The following XYLT1 variants were observed in gnomAD, a reference collection of about 807,000 sequenced individuals.
XYLT1 encodes beta-D-xylosyltransferase 1.
XYLT1 carries 36 observed loss-of-function variants against 91.3 expected under a neutral mutation model. The observed-to-expected ratio is 0.39, with a 90% CI of 0.30 to 0.52. XYLT1 has a LOEUF of 0.52. XYLT1 is among the 20% of genes least tolerant of loss of function. The probability of loss-of-function intolerance (pLI) is 0.68; values close to 1 mark genes in which losing one functional copy is unlikely to be tolerated. For synonymous variants in XYLT1, 588 were observed against 532.0 expected (o/e 1.11, Z -1.45); for missense variants, 1,242 against 1,284.5 (o/e 0.97, Z 0.51).
At chr16:17,143,270 CCATCAT>C (rs1307037251) in intron 6 of XYLT1, among the ~76,000 whole-genome samples, 3 of 152,084 alleles carry the variant, frequency 2.0e-5, no homozygotes, top group Non-Finnish European at 4.4e-5. Context: ...GTCACTGCCA[CCATCAT>C]CATCATCTCC....
intron 2 of XYLT1, among the ~76,000 whole-genome samples, chr16:17,316,237 T>C (rs992526201): frequency 4.6e-5 from 7 of 152,130 alleles, no homozygotes; most frequent in Non-Finnish European, 7.3e-5. Flanking sequence ...TATTTACACA[T>C]GTCATCGGAG....
At chr16:17,441,389 TA>T (rs1026455675) in intron 1 of XYLT1, among the ~76,000 whole-genome samples, 5 of 151,836 alleles carry the variant, frequency 3.3e-5, no homozygotes, top group Non-Finnish European at 5.9e-5. Flanking sequence ...AATATTGCAC[TA>T]AAAAAAAGGA....
chr16:17,139,445 A>G (rs12448468), intron 7 of XYLT1, among the ~76,000 whole-genome samples: 35,167 of 152,070 alleles, frequency 0.23, 4,860 homozygotes, highest in East Asian at 0.6. Context: ...GGAGGGGCAG[A>G]GAAAGCACAC....
chr16:17,366,793 A>C (rs905376645), intron 1 of XYLT1, among the ~76,000 whole-genome samples: 2 of 152,154 alleles, frequency 1.3e-5, no homozygotes, highest in Non-Finnish European at 2.9e-5. Flanking sequence ...GGCTCAAAGG[A>C]GAAGTAATTT....
At chr16:17,293,898 T>C (rs1258275079) in intron 2 of XYLT1, among the ~76,000 whole-genome samples, 1 of 152,154 alleles carries the variant, frequency 6.6e-6, no homozygotes, top group Middle Eastern at 3.4e-3. Flanking sequence ...GGGAAATGCA[T>C]CTAAACAATG....
At chr16:17,199,504 T>C (rs1055919122) in intron 4 of XYLT1, among the ~76,000 whole-genome samples, 1 of 152,206 alleles carries the variant, frequency 6.6e-6, no homozygotes, top group Non-Finnish European at 1.5e-5. Context: ...GATAGTGATA[T>C]GGTTTGGTTG....
intron 2 of XYLT1, among the ~76,000 whole-genome samples, chr16:17,268,387 T>G (rs892495455): frequency 6.6e-5 from 10 of 152,358 alleles, no homozygotes; most frequent in African/African-American, 2.2e-4. Flanking sequence ...GTTTAAATAT[T>G]ACTATATAGG....
chr16:17,432,898 G>A (rs1206596501), intron 1 of XYLT1, among the ~76,000 whole-genome samples: 2 of 152,108 alleles, frequency 1.3e-5, no homozygotes, highest in Non-Finnish European at 2.9e-5. Context: ...AAACACGCAA[G>A]GGCCACGTAT....
chr16:17,467,943 G>A (rs1427244121), intron 1 of XYLT1, among the ~76,000 whole-genome samples: 4 of 152,046 alleles, frequency 2.6e-5, no homozygotes, highest in African/African-American at 9.7e-5. Context: ...GGAAAATCAC[G>A]GGGATTTGTT....
At chr16:17,217,233 G>C (rs947683185) in intron 3 of XYLT1, among the ~76,000 whole-genome samples, 1 of 152,164 alleles carries the variant, frequency 6.6e-6, no homozygotes, top group Non-Finnish European at 1.5e-5. Flanking sequence ...CAGTTCCTGG[G>C]AGAAAACCAA....
At chr16:17,253,332 A>T (rs746524077) in intron 3 of XYLT1, among the ~76,000 whole-genome samples, 4 of 152,132 alleles carry the variant, frequency 2.6e-5, no homozygotes, top group Non-Finnish European at 5.9e-5. Flanking sequence ...TTTAAATGCC[A>T]ATCTTATTAA....
At chr16:17,119,981 C>CT (rs2029989364) in intron 10 of XYLT1, among the ~76,000 whole-genome samples, 1 of 152,170 alleles carries the variant, frequency 6.6e-6, no homozygotes, top group African/African-American at 2.4e-5. Context: ...AGGCCAGAGA[C>CT]TAAAGATTAG....
chr16:17,330,872 C>T (rs948324896), intron 2 of XYLT1, among the ~76,000 whole-genome samples: 4 of 152,178 alleles, frequency 2.6e-5, no homozygotes, highest in Non-Finnish European at 4.4e-5. Flanking sequence ...ATCCTCAATG[C>T]GCATATCAGG....
At position 17,107,805 on chromosome 16, in the gene XYLT1, C is replaced by T. The variant is rs7193152; in HGVS notation, c.*890G>A. 11,113 of 152,696 alleles carry T rather than the reference C, an allele frequency of 0.073. 1,375 individuals carry two copies. The highest frequency in any genetic ancestry group is 0.26 in the African/African-American group (10,578 of 41,476). The allele number at this position is 152,696 out of a possible 1,614,324, so 9.5% of individuals were successfully genotyped here. ...TGTCAAAGTTCCCATTTTCAAGGAT[C>T]AAAGAAGGTCATGGTCTTGAGTCTG... On this transcript the variant is annotated 3_prime_UTR_variant, in exon 12 of 12. Transcript: ENST00000261381.
intron 1 of XYLT1, among the ~76,000 whole-genome samples, chr16:17,385,279 C>T (rs1019190657): frequency 0.019 from 2,843 of 146,992 alleles, 85 homozygotes; most frequent in African/African-American, 0.07. Flanking sequence ...TACACACACA[C>T]ACACACACAC....
At chr16:17,337,777 T>TTC (rs2035005103) in intron 2 of XYLT1, among the ~76,000 whole-genome samples, 2 of 134,936 alleles carry the variant, frequency 1.5e-5, no homozygotes, top group Non-Finnish European at 3.1e-5. Context: ...CATTTTTTCT[T>TTC]TTTCTTTTTT....
chr16:17,154,328 A>G (rs1169272728), intron 6 of XYLT1, among the ~76,000 whole-genome samples: 1 of 152,200 alleles, frequency 6.6e-6, no homozygotes, highest in Non-Finnish European at 1.5e-5. Context: ...CCCAGGGCTA[A>G]CATGGGGGCC....
chr16:17,161,764 T>C (rs765350893), intron 5 of XYLT1, among the ~76,000 whole-genome samples: 6 of 151,906 alleles, frequency 3.9e-5, no homozygotes, highest in Non-Finnish European at 8.8e-5. Flanking sequence ...GTTCCCATAG[T>C]TCATCTCTTG....
intron 5 of XYLT1, among the ~76,000 whole-genome samples, chr16:17,196,082 C>A (rs564954953): frequency 6.6e-6 from 1 of 152,182 alleles, no homozygotes; most frequent in African/African-American, 2.4e-5. Flanking sequence ...TCAGGTGTAC[C>A]CCATTCAAAC....
Sources: gnomAD v4.1 joint callset for allele counts (sites outside exome capture counted in the v4.1 genomes callset) on GRCh38, gnomAD v4.1.1 for gene constraint, MANE v1.5 for transcripts, NCBI Gene and HGNC (gene_info 2026-07-23, HGNC 2026-07-21) for gene names.